Variants in RGS10 observed in about 807,000 individuals in gnomAD.
RGS10 encodes the protein regulator of G protein signaling 10, also known as regulator of G-protein signalling 10.
RGS10 carries 11 observed loss-of-function variants against 23.5 expected under a neutral mutation model. The ratio of observed to expected loss-of-function variants is 0.47; its 90% CI spans 0.29 to 0.77. RGS10 has a LOEUF of 0.77. RGS10 is among the 30% of genes least tolerant of loss of function. The pLI is 0.08. For missense variants in RGS10, 180 were observed against 226.3 expected, an observed-to-expected ratio of 0.80 and a Z score of 1.31; for synonymous variants, 77 against 83.2, an observed-to-expected ratio of 0.92 and a Z score of 0.41.
chr10:119,519,424 C>G (rs1844185869), intron 3 of RGS10, among the ~76,000 whole-genome samples: 1 of 142,454 alleles, frequency 7.0e-6, no homozygotes, highest in Non-Finnish European at 1.5e-5. Context: ...TGTCTCCCAG[C>G]TTCTGTCTCC....
chr10:119,500,297 C>G lies in RGS10; in HGVS notation c.400-38G>C, dbSNP rs1178351410. 1.9e-6 allele frequency: 3 copies of G among 1,577,016 alleles called. No homozygotes were observed. The African/African-American group carries it at 4.1e-5, about 22-fold the overall frequency. ...AGAAAAAAGAGTCTGAAGGCTGAGGCTAATCCAGGCCATAAATCATCCCAT... is the reference window on the plus strand; with the variant it reads ...AGAAAAAAGAGTCTGAAGGCTGAGGGTAATCCAGGCCATAAATCATCCCAT... On this transcript the variant is annotated intron_variant, in intron 4 of 4. Coordinates refer to ENST00000369103, the MANE Select transcript of RGS10 (RefSeq NM_001005339.2).
intron 1 of RGS10, among the ~76,000 whole-genome samples, chr10:119,529,055 A>T (rs1844307709): frequency 6.6e-6 from 1 of 152,162 alleles, no homozygotes; most frequent in South Asian, 2.1e-4. Flanking sequence ...ACTTGCCTGT[A>T]GGAGGAGGGA....
chr10:119,539,189 C>T (rs1844415601), intron 1 of RGS10, among the ~76,000 whole-genome samples: 1 of 152,188 alleles, frequency 6.6e-6, no homozygotes, highest in South Asian at 2.1e-4. Flanking sequence ...CAGGCCTGGG[C>T]CAGTGATATT....
intron 1 of RGS10, among the ~76,000 whole-genome samples, chr10:119,541,199 A>G (rs1329936613): frequency 1.3e-5 from 2 of 152,182 alleles, no homozygotes; most frequent in Admixed American, 6.5e-5. Flanking sequence ...GTTTAATTCG[A>G]GTCCAGGCTC....
rs184249260 is a variant in RGS10 at position 119,531,798 on chromosome 10, C to T, written c.50-4374G>A. Among the ~76,000 whole-genome samples the T allele has an allele frequency of 3.1e-4, 47 of 152,272 alleles. 1 individual carries two copies. The highest frequency in any genetic ancestry group is 2.7e-3 in the Admixed American group (41 of 15,298). On this transcript the variant is annotated intron_variant, in intron 1 of 4. Coordinates refer to ENST00000369103, the MANE Select transcript of RGS10 (RefSeq NM_001005339.2). ...GCCATGTCTGCAGAATCCCAGGGCT[C>T]CTGGGAACATAGTTAGAAAACCGAT...
At chr10:119,534,994 A>G (rs966483985) in intron 1 of RGS10, among the ~76,000 whole-genome samples, 10 of 152,166 alleles carry the variant, frequency 6.6e-5, no homozygotes, top group Non-Finnish European at 7.4e-5. Flanking sequence ...ACAATAACCT[A>G]CTGACGTGGT....
At chr10:119,500,344 C>A in intron 4 of RGS10, 85 bp from the exon 5 acceptor site, 1 of 1,255,312 alleles carries the variant, frequency 8.0e-7, no homozygotes, top group South Asian at 1.6e-5. Context: ...TAATACCTAC[C>A]ATGTGCCAAA....
At chr10:119,528,348 T>A (rs1844299891) in intron 1 of RGS10, among the ~76,000 whole-genome samples, 1 of 152,060 alleles carries the variant, frequency 6.6e-6, no homozygotes, top group Non-Finnish European at 1.5e-5. Flanking sequence ...CAATACTTTT[T>A]CAAAAAATCA....
Position 119,505,024 on chromosome 10 carries a change from G to A in RGS10, c.400-4765C>T, listed in dbSNP as rs553454471. The stretch of plus-strand genomic sequence containing the variant: ...TGGCTTGTTGATTTCACCTCACCCC[G>A]GCTCAAACACAGAAAATGAGATGGG... On this transcript the variant is annotated intron_variant, in intron 4 of 4. Transcript: ENST00000369103. Among the ~76,000 whole-genome samples the A allele has an allele frequency of 7.2e-5, 11 of 152,218 alleles. No individual in the cohort carries two copies. The South Asian group carries it at 8.3e-4, about 11-fold the overall frequency.
At chr10:119,510,749 C>T (rs1321471502) in intron 4 of RGS10, among the ~76,000 whole-genome samples, 5 of 152,148 alleles carry the variant, frequency 3.3e-5, no homozygotes, top group African/African-American at 9.7e-5. Context: ...GATGGAGTCT[C>T]GCTCTGTTAC....
intron 3 of RGS10, among the ~76,000 whole-genome samples, chr10:119,520,822 A>G (rs1027401124): frequency 1.2e-4 from 19 of 152,038 alleles, no homozygotes; most frequent in Admixed American, 3.3e-4. Flanking sequence ...AAAAAAAAAA[A>G]AAATTAAAAA....
chr10:119,504,844 G>A (rs558028719), intron 4 of RGS10, among the ~76,000 whole-genome samples: 22 of 152,238 alleles, frequency 1.4e-4, no homozygotes, highest in African/African-American at 4.8e-4. Context: ...ACACCCTCTC[G>A]CCACCACCCA....
At chr10:119,532,184 C>T (rs977183634) in intron 1 of RGS10, among the ~76,000 whole-genome samples, 2 of 152,162 alleles carry the variant, frequency 1.3e-5, no homozygotes, top group African/African-American at 4.8e-5. Flanking sequence ...AGGCTTTTGG[C>T]TATGGCACCC....
chr10:119,526,183 A>C, intron 2 of RGS10, 65 bp from the exon 3 acceptor site: 1 of 882,804 alleles, frequency 1.1e-6, no homozygotes, highest in South Asian at 2.0e-5. Flanking sequence ...AACAAATGGC[A>C]TTTCCCTTCA....
intron 1 of RGS10, among the ~76,000 whole-genome samples, chr10:119,531,874 T>C (rs887963406): frequency 2.0e-5 from 3 of 152,204 alleles, no homozygotes; most frequent in Admixed American, 2.0e-4. Flanking sequence ...TTATATCATA[T>C]GCCATGAAAT....
At position 119,542,647 on chromosome 10, in the gene RGS10, G is replaced by A. The variant is rs532855158; in HGVS notation, c.-9C>T. 3 of 1,400,724 alleles carry A rather than the reference G, an allele frequency of 2.1e-6. No homozygotes were observed. Among genetic ancestry groups the A allele is most frequent in the Admixed American group, 5.6e-5 (2 of 35,824 alleles). The allele number at this position is 1,400,724 out of a possible 1,614,324, so 86.8% of individuals were successfully genotyped here. ...ACGGCGCGGTTGAACATCGCCGCGGGCGCCCGAGGAGGAAGAAGGAGCAGC... is the reference window on the plus strand; with the variant it reads ...ACGGCGCGGTTGAACATCGCCGCGGACGCCCGAGGAGGAAGAAGGAGCAGC... On this transcript the variant is annotated 5_prime_UTR_variant, in exon 1 of 5. Coordinates refer to ENST00000369103, the MANE Select transcript of RGS10 (RefSeq NM_001005339.2).
intron 3 of RGS10, among the ~76,000 whole-genome samples, chr10:119,525,063 T>C (rs979978416): frequency 3.9e-5 from 6 of 152,024 alleles, no homozygotes; most frequent in African/African-American, 1.4e-4. Context: ...GTAGGCAAGG[T>C]TTTAAATTTT....
intron 4 of RGS10, among the ~76,000 whole-genome samples, chr10:119,512,157 C>T (rs1262586265): frequency 2.6e-5 from 4 of 152,086 alleles, no homozygotes; most frequent in Non-Finnish European, 5.9e-5. Context: ...AGTTCGGGGG[C>T]GGCGGTGCTG....
intron 4 of RGS10, among the ~76,000 whole-genome samples, chr10:119,504,840 T>G (rs1843992064): frequency 6.6e-6 from 1 of 152,004 alleles, no homozygotes; most frequent in African/African-American, 2.4e-5. Flanking sequence ...CCCCACACCC[T>G]CTCGCCACCA....
Sources: gnomAD v4.1 joint callset for allele counts (sites outside exome capture counted in the v4.1 genomes callset) on GRCh38, gnomAD v4.1.1 for gene constraint, MANE v1.5 for transcripts, NCBI Gene and HGNC (gene_info 2026-07-23, HGNC 2026-07-21) for gene names.